ANKS3: variants seen among roughly 807,000 people sequenced by gnomAD.
The protein encoded by ANKS3 is ankyrin repeat and sterile alpha motif domain containing 3, also known as ankyrin repeat and SAM domain-containing protein 3.
In ANKS3, 62 loss-of-function variants were observed where a neutral mutation model predicts 80.7. The observed-to-expected ratio is 0.77, with a 90% CI of 0.63 to 0.95. ANKS3 has a LOEUF of 0.95. ANKS3 is among the 40% of genes least tolerant of loss of function. The probability of loss-of-function intolerance (pLI) is 0.00; values close to 1 mark genes in which losing one functional copy is unlikely to be tolerated. For synonymous variants in ANKS3, 489 were observed against 355.3 expected, an observed-to-expected ratio of 1.38 and a Z score of -4.23; for missense variants, 1,150 against 883.6, an observed-to-expected ratio of 1.30 and a Z score of -3.82.
At position 4,726,688 on chromosome 16, in the gene ANKS3, G is replaced by A. The variant is rs1297408369; in HGVS notation, c.462C>T (p.Leu154=). The change falls in exon 5 of 18, where the codon CTC becomes CTT. Residue 154 remains leucine, a synonymous_variant. Coordinates refer to ENST00000304283, the MANE Select transcript of ANKS3 (RefSeq NM_133450.4). The part of the protein sequence containing the change: ...SAGHQHMVRF[L]LDSGANANVR... ...CGTTGGCATTGGCTCCACTGTCCAA[G>A]AGGAACCTGACCATGTGCTGGTGCC... 1 of 1,614,090 alleles carries A rather than the reference G, an allele frequency of 6.2e-7. No individual in the cohort carries two copies. Among genetic ancestry groups the A allele is most frequent in the Non-Finnish European group, 8.5e-7 (1 of 1,180,040 alleles).
intron 10 of ANKS3, 78 bp downstream of exon 10, chr16:4,701,356 A>T: frequency 1.4e-6 from 2 of 1,411,630 alleles, no homozygotes. Context: ...ATACATGCTC[A>T]TCTTAAAGTA....
At chr16:4,731,189 C>T (rs1162231718) in intron 2 of ANKS3, among the ~76,000 whole-genome samples, 4 of 152,130 alleles carry the variant, frequency 2.6e-5, no homozygotes, top group South Asian at 2.1e-4. Context: ...ATTTGGGGGA[C>T]GATAGACCTG....
In ANKS3 at chr16:4,727,052, G is replaced by A; in HGVS notation, c.296C>T (p.Thr99Ile). 1 of 1,614,168 alleles carries A rather than the reference G, an allele frequency of 6.2e-7. No homozygotes were observed. ...LEAGVSVNVP[T>I]PEGQTPLMLA... ...CATCAGTGGAGTCTGCCCTTCTGGG[G>A]TCGGCACATTCACACTCACCCCCGC... Residue 99 changes from threonine (T) to isoleucine (I), a missense_variant, in exon 4 of 18, where the codon ACC (threonine) becomes ATC (isoleucine). Transcript: ENST00000304283.
At chr16:4,705,453 T>C (rs1051037066) in intron 7 of ANKS3, among the ~76,000 whole-genome samples, 200 bp from the exon 8 acceptor site, 2 of 152,042 alleles carry the variant, frequency 1.3e-5, no homozygotes, top group Non-Finnish European at 2.9e-5. Context: ...GCAAAGTTAG[T>C]GAGGATGGGA....
rs368482365 is a variant in ANKS3 at position 4,701,470 on chromosome 16, C to T, written c.1083G>A (p.Gln361=). The change falls in exon 10 of 18, where the codon CAG becomes CAA. Residue 361 remains glutamine, a synonymous_variant. Transcript: ENST00000304283. ...CCACAGAAGCTTCGCTGCTGAGCCC[C>T]TGGGCTCTGGCCAGGCCCTCGCTGC... ...SSSSEGLARA[Q]GLSSEASVES... is the part of the protein sequence containing the mutation. 65 of 1,610,638 alleles carry T rather than the reference C, an allele frequency of 4.0e-5. No individual in the cohort carries two copies. The highest frequency in any genetic ancestry group is 4.0e-4 in the Admixed American group (24 of 59,912).
intron 8 of ANKS3, 118 bp downstream of exon 8, chr16:4,704,977 G>T: frequency 7.3e-7 from 1 of 1,371,516 alleles, no homozygotes; most frequent in Non-Finnish European, 9.9e-7. Context: ...CACCTGTCCC[G>T]CTGCCACCTG....
chr16:4,724,987 G>A (rs983288355), intron 5 of ANKS3, 156 bp from the exon 6 acceptor site: 7 of 610,408 alleles, frequency 1.1e-5, no homozygotes, highest in Non-Finnish European at 2.0e-5. Flanking sequence ...CATGAGAACA[G>A]TGAATATAAC....
chr16:4,725,711 G>A (rs373289685), intron 5 of ANKS3, among the ~76,000 whole-genome samples: 2 of 152,190 alleles, frequency 1.3e-5, no homozygotes, highest in African/African-American at 4.8e-5. Flanking sequence ...AGGCTGGAGT[G>A]CAGTGGCACG....
intron 6 of ANKS3, 21 bp downstream of exon 6, chr16:4,724,727 TGC>T: frequency 1.2e-6 from 2 of 1,605,828 alleles, no homozygotes; most frequent in Non-Finnish European, 1.7e-6. Context: ...CTACATTACA[TGC>T]TAATAATCAG....
At chr16:4,722,441 T>G (rs1472308981) in intron 6 of ANKS3, among the ~76,000 whole-genome samples, 1 of 151,748 alleles carries the variant, frequency 6.6e-6, no homozygotes, top group Admixed American at 6.6e-5. Flanking sequence ...TTAGCCGGGA[T>G]TTTTTGTATT....
At chr16:4,713,132 A>G (rs2080586387) in intron 7 of ANKS3, among the ~76,000 whole-genome samples, 1 of 151,998 alleles carries the variant, frequency 6.6e-6, no homozygotes, top group South Asian at 2.1e-4. Context: ...TTAGCCGGGC[A>G]TGGTGGTGCA....
intron 2 of ANKS3, 161 bp from the exon 3 acceptor site, chr16:4,730,312 T>C: frequency 1.6e-6 from 1 of 625,732 alleles, no homozygotes; most frequent in Non-Finnish European, 2.4e-6. Flanking sequence ...TGAAATAATG[T>C]ATGCTTTGGG....
In ANKS3 at chr16:4,714,112, C is replaced by A; in HGVS notation, c.648G>T (p.Lys216Asn). ...AGTAAGTGTCCATCAAGGCCACGAT[C>A]TTCATGTGTCCGTACTGCTTGGCCA... ...RMLAKQYGHM[K>N]IVALMDTYSP... is the part of the protein sequence containing the mutation. Residue 216 changes from lysine to asparagine, a missense_variant, in exon 7 of 18, where the codon AAG (lysine) becomes AAT (asparagine). Transcript: ENST00000304283. 2 of 1,614,184 alleles carry A rather than the reference C, an allele frequency of 1.2e-6. No individual in the cohort carries two copies. The highest frequency in any genetic ancestry group is 1.7e-6 in the Non-Finnish European group (2 of 1,180,048).
chr16:4,733,776 T>A lies in ANKS3; in HGVS notation c.-71+162A>T, dbSNP rs572849375. On this transcript the variant is annotated intron_variant, in intron 1 of 17. Coordinates refer to ENST00000304283, the MANE Select transcript of ANKS3 (RefSeq NM_133450.4). The stretch of plus-strand genomic sequence containing the variant: ...CTACGTACCCACAAAAATTAAAAAA[T>A]TTTTAAAAATCTTAACAAATGTGAT... Among the ~76,000 whole-genome samples, 19 of 152,244 alleles carry A rather than the reference T, an allele frequency of 1.2e-4. No individual in the cohort carries two copies. The South Asian group carries it at 1.4e-3, about 12-fold the overall frequency.
intron 7 of ANKS3, among the ~76,000 whole-genome samples, chr16:4,707,189 G>A (rs1315086626): frequency 6.6e-6 from 1 of 152,016 alleles, no homozygotes; most frequent in Non-Finnish European, 1.5e-5. Context: ...AAAAAGAACA[G>A]GCAGATGGAA....
chr16:4,726,122 C>T (rs529426828), intron 5 of ANKS3, among the ~76,000 whole-genome samples: 2 of 151,938 alleles, frequency 1.3e-5, no homozygotes, highest in South Asian at 4.1e-4. Flanking sequence ...ACTACAGGCG[C>T]CCGTCACCAT....
chr16:4,709,475 A>G (rs1421186351), intron 7 of ANKS3, among the ~76,000 whole-genome samples: 1 of 152,196 alleles, frequency 6.6e-6, no homozygotes. Flanking sequence ...TATTTATCCA[A>G]AAGAAAGGAA....
In ANKS3 at chr16:4,726,727, G is replaced by C. The variant is rs2081372843; in HGVS notation, c.423C>G (p.His141Gln). 6.2e-7 allele frequency: 1 copy of C among 1,614,218 alleles called. No homozygotes were observed. Among genetic ancestry groups the C allele is most frequent in the Non-Finnish European group, 8.5e-7 (1 of 1,180,026 alleles). The change falls in exon 5 of 18, where the codon CAC becomes CAG. Residue 141 changes from histidine (H) to glutamine (Q), a missense_variant. By Grantham distance (24) the His-to-Gln change is conservative. Transcript: ENST00000304283. ...KDIQGWTALF[H>Q]CTSAGHQHMV... ...TGTGCTGGTGCCCGGCGCTGGTACA[G>C]TGGAAGAGGGCTGTCCAGCCCTGGA...
intron 7 of ANKS3, among the ~76,000 whole-genome samples, chr16:4,706,786 AG>A (rs1284378405): frequency 1.3e-5 from 2 of 152,226 alleles, no homozygotes; most frequent in African/African-American, 4.8e-5. Flanking sequence ...ATGAAGGGAA[AG>A]GTCCTTTGCA....
Sources: gnomAD v4.1 joint callset for allele counts (sites outside exome capture counted in the v4.1 genomes callset) on GRCh38, gnomAD v4.1.1 for gene constraint, MANE v1.5 for transcripts, NCBI Gene and HGNC (gene_info 2026-07-23, HGNC 2026-07-21) for gene names.